Variants in DMD observed in about 807,000 individuals in gnomAD.
DMD encodes mutant dystrophin.
In DMD, 63 loss-of-function variants were observed where a neutral mutation model predicts 330.1. The ratio of observed to expected loss-of-function variants is 0.19; its 90% confidence interval spans 0.16 to 0.24. DMD has a LOEUF of 0.24. Among genes scored for constraint, DMD ranks in the 10% least tolerant of loss-of-function variants. The pLI is 1.00. For synonymous variants in DMD, 1,223 were observed against 959.8 expected (o/e 1.27, Z -5.07); for missense variants, 3,344 against 2,684.1 (o/e 1.25, Z -5.43).
intron 67 of DMD, among the ~76,000 whole-genome samples, chrX:31,194,071 C>T (rs987083283): frequency 9.0e-6 from 1 of 110,920 alleles, no homozygotes; most frequent in Non-Finnish European, 1.9e-5. Flanking sequence ...ATCCCAGCTA[C>T]TCCTGAGGCT....
At chrX:32,691,848 A>G (rs1445528186) in intron 9 of DMD, among the ~76,000 whole-genome samples, 1 of 111,702 alleles carries the variant, frequency 9.0e-6, no homozygotes, top group Non-Finnish European at 1.9e-5. Context: ...AGATCCTGCC[A>G]CATTAACAAC....
chrX:33,179,259 G>C (rs2049835068), intron 1 of DMD, among the ~76,000 whole-genome samples: 1 of 111,585 alleles, frequency 9.0e-6, no homozygotes, highest in East Asian at 2.8e-4. Flanking sequence ...CTAAACGAGG[G>C]ATTTAATGTA....
intron 56 of DMD, among the ~76,000 whole-genome samples, chrX:31,505,340 T>C (rs1245834306): frequency 9.0e-6 from 1 of 111,460 alleles, no homozygotes; most frequent in Non-Finnish European, 1.9e-5. Context: ...AAAATTCATA[T>C]ACAAAATAGG....
intron 1 of DMD, among the ~76,000 whole-genome samples, chrX:33,305,731 C>T (rs2053752248): frequency 9.0e-6 from 1 of 110,889 alleles, no homozygotes; most frequent in South Asian, 3.8e-4. Flanking sequence ...TCATTTCATT[C>T]TATGTTATAA....
At chrX:31,126,803 GAAA>G (rs58738809) in intron 77 of DMD, 130 bp from the exon 78 acceptor site, 16,167 of 234,966 alleles carry the variant, frequency 0.069, 14 homozygotes, top group East Asian at 0.086. Context: ...TTCTCTGCTG[GAAA>G]AAAAAAAAAA....
chrX:33,114,137 T>C (rs1281599823), intron 1 of DMD, among the ~76,000 whole-genome samples: 5 of 105,530 alleles, frequency 4.7e-5, no homozygotes, highest in East Asian at 3.0e-4. Flanking sequence ...TGAGACAGAA[T>C]CTCACTTTTT....
At chrX:31,172,287 T>C in intron 73 of DMD, 61 bp downstream of exon 73, 1 of 839,605 alleles carries the variant, frequency 1.2e-6, no homozygotes, top group South Asian at 2.1e-5. Flanking sequence ...ATCCTACCTC[T>C]AAATCCCTCA....
At chrX:33,201,731 G>A (rs2051285343) in intron 1 of DMD, among the ~76,000 whole-genome samples, 1 of 112,319 alleles carries the variant, frequency 8.9e-6, no homozygotes, top group Admixed American at 9.4e-5. Context: ...GAATAGTATG[G>A]CACGTTAATC....
intron 7 of DMD, among the ~76,000 whole-genome samples, chrX:32,783,387 A>G (rs2075062744): frequency 9.5e-6 from 1 of 104,832 alleles, no homozygotes; most frequent in African/African-American, 3.4e-5. Flanking sequence ...CATATATACC[A>G]TATATATACA....
intron 47 of DMD, among the ~76,000 whole-genome samples, chrX:31,895,067 GA>G (rs939459788): frequency 7.2e-5 from 8 of 110,496 alleles, no homozygotes; most frequent in African/African-American, 1.6e-4. Context: ...TATTCTGGAA[GA>G]AAAAAAATGT....
intron 69 of DMD, among the ~76,000 whole-genome samples, chrX:31,179,368 A>G (rs1029012689): frequency 3.6e-5 from 4 of 112,564 alleles, no homozygotes; most frequent in Non-Finnish European, 7.5e-5. Context: ...GTGTATGGGA[A>G]CCAGCTGCAG....
At chrX:32,480,394 G>C (rs1315735458) in intron 21 of DMD, among the ~76,000 whole-genome samples, 3 of 108,540 alleles carry the variant, frequency 2.8e-5, no homozygotes, top group Non-Finnish European at 5.7e-5. Flanking sequence ...GTGTGTGTGT[G>C]TGTGTGTATA....
intron 1 of DMD, among the ~76,000 whole-genome samples, chrX:33,059,575 G>A (rs1188679410): frequency 9.0e-6 from 1 of 111,325 alleles, no homozygotes; most frequent in Non-Finnish European, 1.9e-5. Flanking sequence ...AAGATGTCAG[G>A]GAACCCTGGG....
rs765192328 is a variant in DMD at position 31,357,378 on chromosome X, G to GAA, written c.9085-8746_9085-8745dup. On this transcript the variant is annotated intron_variant, in intron 60 of 78. Coordinates refer to ENST00000357033, the MANE Select transcript of DMD (RefSeq NM_004006.3). Reference sequence around the variant, plus strand: ...AGATACCATAGAACTGGTATTGTCCGAAAAAAAAAAAAAAGACGGCATATA... The same window carrying GAA: ...AGATACCATAGAACTGGTATTGTCCGAAAAAAAAAAAAAAAAGACGGCATATA... Among the ~76,000 whole-genome samples, 710 of 81,259 alleles carry GAA rather than the reference G, an allele frequency of 8.7e-3. 5 individuals are homozygous for GAA. The highest frequency in any genetic ancestry group is 0.031 in the African/African-American group (673 of 21,853). The allele number at this position is 81,259 out of a possible 115,157, so 70.6% of individuals were successfully genotyped here. A position where few individuals can be genotyped will look rare whatever the true frequency, so the allele number is the denominator to read the frequency against.
chrX:31,776,318 G>A (rs181708448), intron 50 of DMD, among the ~76,000 whole-genome samples: 17 of 110,603 alleles, frequency 1.5e-4, no homozygotes, highest in African/African-American at 5.3e-4. Context: ...TCAAGCTTAT[G>A]GGAAGTGTCA....
chrX:32,560,027 A>C (rs2050804881), intron 16 of DMD, among the ~76,000 whole-genome samples: 1 of 111,078 alleles, frequency 9.0e-6, no homozygotes, highest in Admixed American at 9.6e-5. Flanking sequence ...ACAGTTGAGA[A>C]TGTTGCAAAA....
intron 44 of DMD, among the ~76,000 whole-genome samples, chrX:32,146,038 A>T (rs1480284938): frequency 9.0e-6 from 1 of 111,392 alleles, no homozygotes; most frequent in African/African-American, 3.3e-5. Context: ...CTTACATGAA[A>T]TTGCTTTGTA....
chrX:32,399,445 G>T (rs769930551), intron 30 of DMD, among the ~76,000 whole-genome samples: 5 of 111,246 alleles, frequency 4.5e-5, no homozygotes, highest in East Asian at 2.8e-4. Context: ...ACTTTTTTTT[G>T]AAAGAAGATA....
chrX:32,652,383 G>A (rs1463708012), intron 9 of DMD, among the ~76,000 whole-genome samples: 1 of 102,742 alleles, frequency 9.7e-6, no homozygotes, highest in Non-Finnish European at 2.0e-5. Flanking sequence ...GAGAACATGT[G>A]GTATTTGGTT....
Sources: allele counts gnomAD v4.1 joint callset (sites outside exome capture counted in the v4.1 genomes callset), GRCh38; gene constraint gnomAD v4.1.1; transcripts MANE v1.5; gene names NCBI Gene and HGNC (gene_info 2026-07-23, HGNC 2026-07-21).